The following CYFIP2 variants were observed in gnomAD, a reference collection of about 807,000 sequenced individuals.
CYFIP2 encodes the protein cytoplasmic FMR1-interacting protein 2.
A neutral mutation model predicts 158.7 loss-of-function variants in CYFIP2; 29 were observed. The ratio of observed to expected loss-of-function variants is 0.18; its 90% CI spans 0.14 to 0.25. The LOEUF (loss-of-function observed/expected upper bound fraction) is 0.25. Among genes scored for constraint, CYFIP2 ranks in the 10% least tolerant of loss-of-function variants. CYFIP2 has a pLI of 1.00. For missense variants in CYFIP2, 852 were observed against 1,639.5 expected, an observed-to-expected ratio of 0.52 and a Z score of 8.29; for synonymous variants, 585 against 617.6, an observed-to-expected ratio of 0.95 and a Z score of 0.78.
chr5:157,301,391 T>G (rs1758735800), intron 6 of CYFIP2, among the ~76,000 whole-genome samples: 1 of 152,218 alleles, frequency 6.6e-6, no homozygotes, highest in East Asian at 1.9e-4. Flanking sequence ...TACATTGGCT[T>G]CATTCTCAGG....
At chr5:157,336,794 G>A (rs1216498102) in intron 21 of CYFIP2, among the ~76,000 whole-genome samples, 1 of 152,164 alleles carries the variant, frequency 6.6e-6, no homozygotes, top group East Asian at 1.9e-4. Context: ...GGCTTTTTAA[G>A]CCTTTTCCAT....
At chr5:157,389,167 G>C in intron 28 of CYFIP2, 22 bp from the exon 29 acceptor site, 1 of 1,581,480 alleles carries the variant, frequency 6.3e-7, no homozygotes, top group Admixed American at 1.7e-5. Context: ...GATAGAAGGT[G>C]TATGTGCCCT....
At chr5:157,278,144 T>A (rs1184492369) in intron 1 of CYFIP2, among the ~76,000 whole-genome samples, 4 of 151,652 alleles carry the variant, frequency 2.6e-5, no homozygotes, top group Non-Finnish European at 5.9e-5. Context: ...TTATTTATTT[T>A]TATATTTATA....
intron 1 of CYFIP2, among the ~76,000 whole-genome samples, chr5:157,268,332 T>C (rs778055980): frequency 1.3e-5 from 2 of 152,014 alleles, no homozygotes; most frequent in African/African-American, 2.4e-5. Context: ...TACAACCCAG[T>C]GGGGTTGGAG....
In CYFIP2 at chr5:157,361,348, G is replaced by A; in HGVS notation, c.2909-120G>A. The A allele has an allele frequency of 1.6e-6, 2 of 1,267,178 alleles. No homozygotes were observed. Among genetic ancestry groups the A allele is most frequent in the Non-Finnish European group, 2.2e-6 (2 of 900,042 alleles). 78.5% of individuals were successfully genotyped at this position (1,267,178 alleles called of 1,614,324 possible). On this transcript the variant is annotated intron_variant, in intron 25 of 30. Transcript: ENST00000620254. The surrounding 1 kb of genome is among the most constrained non-coding windows in gnomAD (Gnocchi z 4.4). ...CTCTGGGCCTGCAGGTAAGAGGGAT[G>A]CGTGGTTTGGCTTTTTGCTATCCCA... is the stretch of plus-strand genomic sequence containing the variant.
chr5:157,365,995 A>G (rs1561770402), intron 26 of CYFIP2, among the ~76,000 whole-genome samples: 2 of 152,198 alleles, frequency 1.3e-5, no homozygotes, highest in East Asian at 3.9e-4. Flanking sequence ...TTTGGTGTAT[A>G]GATGCTCCTG....
intron 26 of CYFIP2, among the ~76,000 whole-genome samples, chr5:157,371,947 A>G (rs2113446694): frequency 6.6e-6 from 1 of 151,868 alleles, no homozygotes; most frequent in East Asian, 1.9e-4. Context: ...AATAAACATT[A>G]GCGTGACACT....
Position 157,395,348 on chromosome 5 carries a change from A to C in CYFIP2, c.*2348A>C, listed in dbSNP as rs1767659328. ...TTAGGTTTTAAAAAGTTTTAAAAAT[A>C]ATCTGTTTCAGAAACTGTCAAATGT... On this transcript the variant is annotated 3_prime_UTR_variant, in exon 31 of 31. Coordinates refer to ENST00000620254, the MANE Select transcript of CYFIP2 (RefSeq NM_001037333.3). 3.4e-6 allele frequency: 1 copy of C among 297,676 alleles called. No homozygotes were observed. Among genetic ancestry groups the C allele is most frequent in the Middle Eastern group, 1.2e-3 (1 of 850 alleles). 18.4% of individuals were successfully genotyped at this position (297,676 alleles called of 1,614,324 possible).
chr5:157,286,165 A>G (rs758941729), intron 2 of CYFIP2, among the ~76,000 whole-genome samples: 2 of 152,196 alleles, frequency 1.3e-5, no homozygotes, highest in African/African-American at 2.4e-5. Flanking sequence ...ACATGCTTGA[A>G]GGTTCGGCCC....
At chr5:157,290,613 A>G (rs1306108945) in intron 3 of CYFIP2, among the ~76,000 whole-genome samples, 3 of 152,266 alleles carry the variant, frequency 2.0e-5, no homozygotes, top group Middle Eastern at 3.4e-3. Context: ...TAGGATACAG[A>G]CATCTTGGGG....
At chr5:157,331,347 C>A (rs1241013234) in intron 20 of CYFIP2, among the ~76,000 whole-genome samples, 2 of 150,152 alleles carry the variant, frequency 1.3e-5, no homozygotes, top group African/African-American at 4.9e-5. Flanking sequence ...TGAGAAACAT[C>A]CCCATTTAAT....
intron 20 of CYFIP2, among the ~76,000 whole-genome samples, chr5:157,331,763 A>G (rs1761480130): frequency 6.6e-6 from 1 of 152,200 alleles, no homozygotes; most frequent in Non-Finnish European, 1.5e-5. Context: ...TGAGGGCTTT[A>G]TGTGTGCATA....
At chr5:157,279,184 T>A (rs1050876241) in intron 1 of CYFIP2, among the ~76,000 whole-genome samples, 7 of 152,318 alleles carry the variant, frequency 4.6e-5, no homozygotes, top group African/African-American at 1.4e-4. Flanking sequence ...AAAATAAACA[T>A]TGAGGACAGG....
chr5:157,357,100 G>A (rs774715174), intron 23 of CYFIP2, among the ~76,000 whole-genome samples: 3 of 152,112 alleles, frequency 2.0e-5, no homozygotes, highest in Non-Finnish European at 2.9e-5. Flanking sequence ...TCCTTCTCAC[G>A]TTCCAGGCCT....
At position 157,361,496 on chromosome 5, in the gene CYFIP2, G is replaced by T. The variant is rs1561765503; in HGVS notation, c.2937G>T (p.Leu979=). The change falls in exon 26 of 31, where the codon CTG becomes CTT. Residue 979 remains leucine, a synonymous_variant. Coordinates refer to ENST00000620254, the MANE Select transcript of CYFIP2 (RefSeq NM_001037333.3). The surrounding 1 kb of genome is among the most constrained non-coding windows in gnomAD (Gnocchi z 4.4). The stretch of plus-strand genomic sequence containing the variant: ...TCCTGGAGTTCTTCCACCACCAGCT[G>T]AAGGACATCATTGAGTACGCAGAGC... ...PGILEFFHHQ[L]KDIIEYAELK... 5.0e-6 allele frequency: 8 copies of T among 1,614,052 alleles called. No homozygotes were observed. The highest frequency in any genetic ancestry group is 3.3e-4 in the Middle Eastern group (2 of 6,056).
chr5:157,386,496 T>A (rs376594858), intron 28 of CYFIP2, among the ~76,000 whole-genome samples: 150 of 152,320 alleles, frequency 9.8e-4, no homozygotes, highest in Non-Finnish European at 1.7e-3. Context: ...TGCACACGGA[T>A]CAACTTTCCT....
chr5:157,376,775 C>T (rs754577908), intron 26 of CYFIP2: 11 of 407,986 alleles, frequency 2.7e-5, no homozygotes, highest in South Asian at 2.0e-4. Context: ...TGCACAGTTC[C>T]TTTCCCCTGG....
At chr5:157,280,156 G>A (rs1358924122) in intron 1 of CYFIP2, among the ~76,000 whole-genome samples, 1 of 152,136 alleles carries the variant, frequency 6.6e-6, no homozygotes, top group Non-Finnish European at 1.5e-5. Flanking sequence ...GTACTATTAT[G>A]CTACAGAGGA....
chr5:157,304,140 C>T lies in CYFIP2; in HGVS notation c.667-98C>T, dbSNP rs551876869. 110 of 1,434,074 alleles carry T rather than the reference C, an allele frequency of 7.7e-5. No individual in the cohort carries two copies. In the African/African-American group the frequency reaches 1.1e-3, roughly 14 times the overall value. The allele number at this position is 1,434,074 out of a possible 1,614,324, so 88.8% of individuals were successfully genotyped here. Reference sequence around the variant, plus strand: ...TGGAGCTGTGATTCCTGGCCATCAGCGGGGACCACACCGGCCAGCTGTAGG... The same window carrying T: ...TGGAGCTGTGATTCCTGGCCATCAGTGGGGACCACACCGGCCAGCTGTAGG... On this transcript the variant is annotated intron_variant, in intron 7 of 30. Coordinates refer to ENST00000620254, the MANE Select transcript of CYFIP2 (RefSeq NM_001037333.3).
Sources: gnomAD v4.1 joint callset for allele counts (sites outside exome capture counted in the v4.1 genomes callset) on GRCh38, gnomAD v4.1.1 for gene constraint, Gnocchi (gnomAD v3.1) non-coding constraint, MANE v1.5 for transcripts, NCBI Gene and HGNC (gene_info 2026-07-23, HGNC 2026-07-21) for gene names.